CAMK2A: variants seen among roughly 807,000 people sequenced by gnomAD.
CAMK2A encodes the protein calcium/calmodulin dependent protein kinase II alpha, also known as calcium/calmodulin-dependent protein kinase type II subunit alpha.
CAMK2A carries 7 observed loss-of-function variants against 79.2 expected under a neutral mutation model. The observed-to-expected ratio is 0.09, with a 90% CI of 0.05 to 0.17. The LOEUF (loss-of-function observed/expected upper bound fraction) is 0.17. CAMK2A is among the 10% of genes least tolerant of loss of function. CAMK2A has a pLI of 1.00. For synonymous variants in CAMK2A, 242 were observed against 251.7 expected, an observed-to-expected ratio of 0.96 and a Z score of 0.36; for missense variants, 214 against 646.4, an observed-to-expected ratio of 0.33 and a Z score of 7.25.
At chr5:150,285,181 TC>T (rs1248438525) in intron 1 of CAMK2A, among the ~76,000 whole-genome samples, 1 of 152,064 alleles carries the variant, frequency 6.6e-6, no homozygotes, top group Non-Finnish European at 1.5e-5. Context: ...TCAGCAGTCT[TC>T]CCCCGATATG....
chr5:150,222,865 G>T (rs2114011080), intron 18 of CAMK2A, 124 bp downstream of exon 18: 5 of 1,385,180 alleles, frequency 3.6e-6, no homozygotes, highest in South Asian at 2.4e-5. Context: ...CCTTCTTGGG[G>T]TCTCCCCACC....
At chr5:150,235,833 A>G (rs1319369534) in intron 15 of CAMK2A, among the ~76,000 whole-genome samples, 1 of 152,212 alleles carries the variant, frequency 6.6e-6, no homozygotes, top group Non-Finnish European at 1.5e-5. Flanking sequence ...AATTAACACC[A>G]GAAAACGGTT....
chr5:150,285,740 G>A (rs1456302261), intron 1 of CAMK2A, among the ~76,000 whole-genome samples: 1 of 152,118 alleles, frequency 6.6e-6, no homozygotes, highest in Admixed American at 6.5e-5. Context: ...AAAAGAGTGG[G>A]CTGAGCTCTC....
In CAMK2A at chr5:150,261,253, G is replaced by A. The variant is rs529811955; in HGVS notation, c.218-3636C>T. On this transcript the variant is annotated intron_variant, in intron 3 of 18. Transcript: ENST00000671881. ...CCTACGTTTGCAGTGCACCACACAC[G>A]TGATGGTACTAGAGTTGGCTTCAGT... is the stretch of plus-strand genomic sequence containing the variant. 5.3e-5 allele frequency among the ~76,000 whole-genome samples: 8 copies of A among 152,342 alleles called. No homozygotes were observed. In the East Asian group the frequency reaches 9.6e-4, roughly 18 times the overall value.
At chr5:150,276,033 A>G (rs1156405638) in intron 1 of CAMK2A, among the ~76,000 whole-genome samples, 1 of 152,172 alleles carries the variant, frequency 6.6e-6, no homozygotes, top group African/African-American at 2.4e-5. Flanking sequence ...TCATTAGAAC[A>G]AAAGATGTTC....
intron 6 of CAMK2A, among the ~76,000 whole-genome samples, chr5:150,254,037 G>A (rs898035016): frequency 1.3e-5 from 2 of 152,102 alleles, no homozygotes; most frequent in African/African-American, 4.8e-5. Context: ...CCACCTCAGG[G>A]CCTTTGCACT....
chr5:150,267,680 C>A (rs1012728999), intron 2 of CAMK2A, among the ~76,000 whole-genome samples: 2 of 152,050 alleles, frequency 1.3e-5, no homozygotes, highest in African/African-American at 4.8e-5. Context: ...ATACAGAGAA[C>A]CTTAAGACAT....
chr5:150,224,007 C>A (rs1001343709), intron 17 of CAMK2A, among the ~76,000 whole-genome samples: 2 of 152,028 alleles, frequency 1.3e-5, no homozygotes, highest in African/African-American at 2.4e-5. Flanking sequence ...AATCTTAGAA[C>A]CTTGAAATGA....
At position 150,257,621 on chromosome 5, in the gene CAMK2A, T is replaced by A; in HGVS notation, c.218-4A>T. 1 of 1,565,592 alleles carries A rather than the reference T, an allele frequency of 6.4e-7. No homozygotes were observed. The highest frequency in any genetic ancestry group is 8.7e-7 in the Non-Finnish European group (1 of 1,155,130). ...GAGATGCTGTCATGTAGTCGGACTG[T>A]GGGCGGGGCAAGGCAGTTGGTTACA... On this transcript the variant is annotated splice_polypyrimidine_tract_variant and splice_region_variant and intron_variant, in intron 3 of 18. Coordinates refer to ENST00000671881, the MANE Select transcript of CAMK2A (RefSeq NM_015981.4).
intron 15 of CAMK2A, among the ~76,000 whole-genome samples, chr5:150,235,539 A>G (rs1755020859): frequency 6.6e-6 from 1 of 152,250 alleles, no homozygotes; most frequent in Non-Finnish European, 1.5e-5. Flanking sequence ...GATATTTCCC[A>G]GAATGTCTCT....
chr5:150,226,718 G>C (rs1363331862), intron 17 of CAMK2A, among the ~76,000 whole-genome samples: 3 of 97,168 alleles, frequency 3.1e-5, no homozygotes, highest in Admixed American at 2.8e-4. Context: ...GCCTGGGCAA[G>C]AGTGAGACTC....
intron 11 of CAMK2A, among the ~76,000 whole-genome samples, chr5:150,249,496 C>T (rs928246511): frequency 2.1e-4 from 32 of 152,182 alleles, no homozygotes; most frequent in Non-Finnish European, 5.9e-5. Flanking sequence ...AGGCGCACTT[C>T]CAAACTTCTG....
chr5:150,225,931 G>A (rs1318718593), intron 17 of CAMK2A, among the ~76,000 whole-genome samples: 1 of 152,092 alleles, frequency 6.6e-6, no homozygotes, highest in Non-Finnish European at 1.5e-5. Flanking sequence ...TTTTAGTAAA[G>A]ATGGCGTTTC....
intron 11 of CAMK2A, among the ~76,000 whole-genome samples, chr5:150,248,696 C>T (rs955123861): frequency 4.6e-5 from 7 of 152,132 alleles, no homozygotes; most frequent in South Asian, 2.1e-4. Context: ...TAGTATTCCA[C>T]GGTGTATATG....
At chr5:150,289,908 C>A (rs873593), upstream of CAMK2A, 1,325 of 487,388 alleles carry the variant, frequency 2.7e-3, 15 homozygotes, top group African/African-American at 0.023. Flanking sequence ...CCTTCCACTG[C>A]GAAACCTGCT....
rs1255640559 is a variant in CAMK2A at position 150,245,764 on chromosome 5, A to G, written c.944-563T>C. ...CATCCCCTGCCTCTCTCCTCAGGCC[A>G]TATAGGCCTCCCCAACCTCAGACTC... On this transcript the variant is annotated intron_variant, in intron 12 of 18. Transcript: ENST00000671881. Among the ~76,000 whole-genome samples, 4 of 152,212 alleles carry G rather than the reference A, an allele frequency of 2.6e-5. No homozygotes were observed. The East Asian group carries it at 7.7e-4, about 29-fold the overall frequency.
At chr5:150,279,306 A>G (rs1757112045) in intron 1 of CAMK2A, among the ~76,000 whole-genome samples, 1 of 152,194 alleles carries the variant, frequency 6.6e-6, no homozygotes, top group African/African-American at 2.4e-5. Context: ...GGTTCAACAT[A>G]GAGAAGAGCA....
At chr5:150,253,102 C>G (rs1562167710) in intron 7 of CAMK2A, among the ~76,000 whole-genome samples, 2 of 152,212 alleles carry the variant, frequency 1.3e-5, no homozygotes, top group African/African-American at 4.8e-5. Flanking sequence ...TCTCAAGCAC[C>G]TAGACTATTA....
At chr5:150,238,449 C>G (rs1165086523) in intron 15 of CAMK2A, 2 of 398,744 alleles carry the variant, frequency 5.0e-6, no homozygotes, top group Non-Finnish European at 9.2e-6. Context: ...GAGACGTCAT[C>G]TCAAAAAAAT....
Sources: gnomAD v4.1 joint callset for allele counts (sites outside exome capture counted in the v4.1 genomes callset) on GRCh38, gnomAD v4.1.1 for gene constraint, MANE v1.5 for transcripts, NCBI Gene and HGNC (gene_info 2026-07-23, HGNC 2026-07-21) for gene names.